FGF1: variants seen among roughly 807,000 people sequenced by gnomAD.
The protein encoded by FGF1 is beta-endothelial cell growth factor.
FGF1 carries 9 observed loss-of-function variants against 13.4 expected under a neutral mutation model. That is an observed-to-expected ratio of 0.67 (90% CI 0.40 to 1.17). The LOEUF is 1.17. FGF1 is among the 50% of genes most tolerant of loss of function. The probability of loss-of-function intolerance (pLI) is 0.01; values close to 1 mark genes in which losing one functional copy is unlikely to be tolerated. For synonymous variants in FGF1, 93 were observed against 79.0 expected (o/e 1.18, Z -0.94); for missense variants, 156 against 192.7 (o/e 0.81, Z 1.13).
intron 2 of FGF1, among the ~76,000 whole-genome samples, chr5:142,695,350 G>T (rs1752931146): frequency 6.6e-6 from 1 of 152,120 alleles, no homozygotes; most frequent in Non-Finnish European, 1.5e-5. Context: ...CGAGGTGGGG[G>T]TGGATCACCT....
At chr5:142,669,508 C>T (rs1771038712) in intron 1 of FGF1, among the ~76,000 whole-genome samples, 1 of 151,942 alleles carries the variant, frequency 6.6e-6, no homozygotes, top group Non-Finnish European at 1.5e-5. Flanking sequence ...AAAGACACTC[C>T]AGGAGAAGAA....
At chr5:142,599,811 T>C (rs1248714100) in intron 3 of FGF1, among the ~76,000 whole-genome samples, 2 of 151,860 alleles carry the variant, frequency 1.3e-5, no homozygotes, top group East Asian at 1.9e-4. Context: ...TTTTAGCTAC[T>C]GAAGAAACAA....
intron 1 of FGF1, among the ~76,000 whole-genome samples, chr5:142,672,719 C>T (rs11954028): frequency 0.046 from 7,011 of 152,040 alleles, 237 homozygotes; most frequent in South Asian, 0.096. Flanking sequence ...TGGCCAGGCT[C>T]GTCTCGAACT....
intron 1 of FGF1, among the ~76,000 whole-genome samples, chr5:142,678,011 TG>T (rs1238478699): frequency 6.6e-6 from 1 of 151,994 alleles, no homozygotes; most frequent in African/African-American, 2.4e-5. Context: ...CCTGAAGAAC[TG>T]GGGGGAAAGC....
chr5:142,684,868 T>C (rs1774388122), intron 1 of FGF1, among the ~76,000 whole-genome samples: 1 of 151,144 alleles, frequency 6.6e-6, no homozygotes, highest in Non-Finnish European at 1.5e-5. Context: ...GGGAGCTAAC[T>C]CGTAAACAAT....
At chr5:142,667,277 C>T (rs545547879) in intron 1 of FGF1, among the ~76,000 whole-genome samples, 85 of 147,594 alleles carry the variant, frequency 5.8e-4, no homozygotes, top group African/African-American at 1.8e-3. Flanking sequence ...GAGCGAGACT[C>T]GGTCTCAAGA....
At chr5:142,685,018 G>A (rs1774423567) in intron 1 of FGF1, among the ~76,000 whole-genome samples, 2 of 152,226 alleles carry the variant, frequency 1.3e-5, no homozygotes, top group Admixed American at 6.5e-5. Context: ...GAGGCAGAGT[G>A]AGCCCTTGGG....
At chr5:142,649,789 G>A (rs12109339) in intron 1 of FGF1, among the ~76,000 whole-genome samples, 17,899 of 152,100 alleles carry the variant, frequency 0.12, 2,175 homozygotes, top group African/African-American at 0.31. Context: ...GCTTTTTACT[G>A]TCTACTCTTT....
chr5:142,631,340 C>T (rs542541646), intron 1 of FGF1, among the ~76,000 whole-genome samples: 9 of 152,322 alleles, frequency 5.9e-5, no homozygotes, highest in South Asian at 2.1e-4. Context: ...ACAGGAAATA[C>T]GTCCACTAAC....
chr5:142,619,059 T>C (rs563418854), intron 1 of FGF1, among the ~76,000 whole-genome samples: 240 of 148,846 alleles, frequency 1.6e-3, no homozygotes, highest in Non-Finnish European at 2.4e-3. Context: ...CTCAGCCTCC[T>C]GAGTAGCTGG....
rs1417753358 is a variant in FGF1, at chr5:142,594,179, C to T, written c.*1111G>A. ...TCGAACCACCTTCATTTGAATAACTCTTTAGGACCAGGACCCTGCTCCTTA... is the reference window on the plus strand; with the variant it reads ...TCGAACCACCTTCATTTGAATAACTTTTTAGGACCAGGACCCTGCTCCTTA... On this transcript the variant is annotated 3_prime_UTR_variant, in exon 4 of 4. Coordinates refer to ENST00000337706, the MANE Select transcript of FGF1 (RefSeq NM_000800.5). 1 of 152,144 alleles carries T rather than the reference C, an allele frequency of 6.6e-6. No individual in the cohort carries two copies. The highest frequency in any genetic ancestry group is 1.5e-5 in the Non-Finnish European group (1 of 68,046). The allele number at this position is 152,144 out of a possible 1,614,324, so 9.4% of individuals were successfully genotyped here. A position where few individuals can be genotyped will look rare whatever the true frequency, so the allele number is the denominator to read the frequency against.
chr5:142,678,987 G>A (rs1341530965), intron 1 of FGF1, among the ~76,000 whole-genome samples: 1 of 152,150 alleles, frequency 6.6e-6, no homozygotes. Context: ...TTGGGTGTGT[G>A]AGCTCAGAAA....
intron 1 of FGF1, among the ~76,000 whole-genome samples, chr5:142,645,427 G>A (rs957928300): frequency 1.3e-5 from 2 of 152,172 alleles, no homozygotes; most frequent in African/African-American, 4.8e-5. Flanking sequence ...GAAGGTGGTA[G>A]AAGGAGTGGA....
At chr5:142,684,411 G>A (rs1001090238) in intron 1 of FGF1, among the ~76,000 whole-genome samples, 7 of 152,168 alleles carry the variant, frequency 4.6e-5, no homozygotes, top group Non-Finnish European at 8.8e-5. Context: ...AACTCATTGT[G>A]TTTTCTCTTA....
chr5:142,676,464 C>A (rs1178799064), intron 1 of FGF1, among the ~76,000 whole-genome samples: 1 of 152,202 alleles, frequency 6.6e-6, no homozygotes, highest in Non-Finnish European at 1.5e-5. Flanking sequence ...TAGGACAGAA[C>A]CGCTGCTATT....
chr5:142,593,613 A>T lies in FGF1; in HGVS notation c.*1677T>A, dbSNP rs148171786. Reference sequence around the variant, plus strand: ...CCATTGCTTAAGAGTTCCTACTTTCAAAAGAAAATTTGTAATAGCACAGTG... The same window carrying T: ...CCATTGCTTAAGAGTTCCTACTTTCTAAAGAAAATTTGTAATAGCACAGTG... On this transcript the variant is annotated 3_prime_UTR_variant, in exon 4 of 4. Coordinates refer to ENST00000337706, the MANE Select transcript of FGF1 (RefSeq NM_000800.5). 3.9e-5 allele frequency: 6 copies of T among 152,412 alleles called. No homozygotes were observed. Among genetic ancestry groups the T allele is most frequent in the African/African-American group, 1.4e-4 (6 of 41,590 alleles). 9.4% of individuals were successfully genotyped at this position (152,412 alleles called of 1,614,324 possible). A position where few individuals can be genotyped will look rare whatever the true frequency, so the allele number is the denominator to read the frequency against.
At chr5:142,656,353 AAGCTGTTATTCAGT>A (rs1472241043) in intron 1 of FGF1, among the ~76,000 whole-genome samples, 1 of 152,070 alleles carries the variant, frequency 6.6e-6, no homozygotes, top group African/African-American at 2.4e-5. Context: ...ATTAAAAAAA[AAGCTGTTATTCAGT>A]TGGGATACTT....
chr5:142,605,491 A>G (rs1597071453), intron 2 of FGF1, among the ~76,000 whole-genome samples: 1 of 151,932 alleles, frequency 6.6e-6, no homozygotes, highest in Non-Finnish European at 1.5e-5. Context: ...AATAGCACCC[A>G]CTTGTCTGGC....
rs1754841531 is a variant in FGF1 at position 142,594,409 on chromosome 5, T to C, written c.*881A>G. 1 of 152,354 alleles carries C rather than the reference T, an allele frequency of 6.6e-6. No individual in the cohort carries two copies. Among genetic ancestry groups the C allele is most frequent in the Non-Finnish European group, 1.5e-5 (1 of 68,144 alleles). 9.4% of individuals were successfully genotyped at this position (152,354 alleles called of 1,614,324 possible). A position where few individuals can be genotyped will look rare whatever the true frequency, so the allele number is the denominator to read the frequency against. Reference sequence around the variant, plus strand: ...CTTACCAGGGGCCAAGCACAATGTGTGGCATTACTTTCTTTTTCCTTCTCC... The same window carrying C: ...CTTACCAGGGGCCAAGCACAATGTGCGGCATTACTTTCTTTTTCCTTCTCC... On this transcript the variant is annotated 3_prime_UTR_variant, in exon 4 of 4. Transcript: ENST00000337706.
Sources: gnomAD v4.1 joint callset for allele counts (sites outside exome capture counted in the v4.1 genomes callset) on GRCh38, gnomAD v4.1.1 for gene constraint, MANE v1.5 for transcripts, NCBI Gene and HGNC (gene_info 2026-07-23, HGNC 2026-07-21) for gene names.